The following SEMA6D variants were observed in gnomAD, a reference collection of about 807,000 sequenced individuals.
SEMA6D encodes semaphorin 6D, also known as semaphorin-6D.
In SEMA6D, 35 loss-of-function variants were observed where a neutral mutation model predicts 106.6. The observed-to-expected ratio is 0.33, with a 90% CI of 0.25 to 0.44. The LOEUF (loss-of-function observed/expected upper bound fraction) is 0.44. Ranked by LOEUF, SEMA6D falls within the 20% of genes least tolerant of loss-of-function variation. SEMA6D has a pLI of 1.00. For missense variants in SEMA6D, 1,185 were observed against 1,345.9 expected (o/e 0.88, Z 1.87); for synonymous variants, 499 against 487.7 (o/e 1.02, Z -0.31).
chr15:47,654,175 G>C (rs2077747557), intron 4 of SEMA6D, among the ~76,000 whole-genome samples: 1 of 152,158 alleles, frequency 6.6e-6, no homozygotes, highest in South Asian at 2.1e-4. Flanking sequence ...GTTTAATTCA[G>C]TGGTGCTAGA....
intron 1 of SEMA6D, among the ~76,000 whole-genome samples, chr15:47,293,993 C>G (rs2061057): frequency 0.99 from 150,687 of 152,282 alleles, 74,564 homozygotes; most frequent in Middle Eastern, 1. Flanking sequence ...CAGTGCTTGC[C>G]GGCCAAATGC....
At chr15:47,587,656 C>A (rs570426761) in intron 3 of SEMA6D, among the ~76,000 whole-genome samples, 6 of 152,294 alleles carry the variant, frequency 3.9e-5, no homozygotes, top group African/African-American at 1.4e-4. Context: ...CACAGCTAAT[C>A]TACCCTGTGT....
chr15:47,472,542 G>A (rs1441655986), intron 3 of SEMA6D, among the ~76,000 whole-genome samples: 2 of 152,126 alleles, frequency 1.3e-5, no homozygotes, highest in Non-Finnish European at 2.9e-5. Flanking sequence ...GGGCTTTGTG[G>A]CCAAAGAGAA....
chr15:47,364,788 T>C (rs1476519536), intron 1 of SEMA6D, among the ~76,000 whole-genome samples: 2 of 151,290 alleles, frequency 1.3e-5, no homozygotes, highest in Non-Finnish European at 2.9e-5. Context: ...CAACCCAGAT[T>C]CAGGACACAA....
At chr15:47,293,412 T>A (rs2035673828) in intron 1 of SEMA6D, among the ~76,000 whole-genome samples, 1 of 152,212 alleles carries the variant, frequency 6.6e-6, no homozygotes, top group Non-Finnish European at 1.5e-5. Context: ...TTGTTGCATT[T>A]TTGGTGAGAT....
intron 1 of SEMA6D, among the ~76,000 whole-genome samples, chr15:47,723,953 A>G (rs1454222846): frequency 1.3e-5 from 2 of 152,360 alleles, no homozygotes; most frequent in East Asian, 1.9e-4. Context: ...GAACTGGCAC[A>G]TAAGAACCAG....
intron 2 of SEMA6D, among the ~76,000 whole-genome samples, chr15:47,455,346 T>C (rs540413187): frequency 6.6e-6 from 1 of 152,068 alleles, no homozygotes; most frequent in South Asian, 2.1e-4. Flanking sequence ...TGTAGCAATA[T>C]CCAGATTCAT....
chr15:47,540,420 T>G (rs1268850365), intron 3 of SEMA6D, among the ~76,000 whole-genome samples: 1 of 152,146 alleles, frequency 6.6e-6, no homozygotes, highest in African/African-American at 2.4e-5. Flanking sequence ...TAAAGTTACT[T>G]CGTTAACTTG....
chr15:47,604,243 A>G (rs1529884), intron 4 of SEMA6D: 100,176 of 152,146 alleles, frequency 0.66, 33,128 homozygotes, highest in South Asian at 0.7. Context: ...AAAGAAGAGA[A>G]ACATTTCTTT....
rs78770464 is a variant in SEMA6D, at chr15:47,468,409, A to G, written c.-158-2065A>G. On this transcript the variant is annotated intron_variant, in intron 2 of 19. Coordinates refer to the SEMA6D transcript ENST00000558014. Reference sequence around the variant, plus strand: ...TAGCTCTGCAGGGAAACAGGCAATGAGGAGCAAGAATTGTCCTACTCATGG... The same window carrying G: ...TAGCTCTGCAGGGAAACAGGCAATGGGGAGCAAGAATTGTCCTACTCATGG... Among the ~76,000 whole-genome samples, 964 of 152,274 alleles carry G rather than the reference A, an allele frequency of 6.3e-3. 9 individuals carry two copies. The highest frequency in any genetic ancestry group is 0.022 in the African/African-American group (926 of 41,564).
intron 1 of SEMA6D, among the ~76,000 whole-genome samples, chr15:47,328,937 C>T (rs779729875): frequency 6.6e-5 from 10 of 152,216 alleles, no homozygotes; most frequent in Non-Finnish European, 1.5e-5. Flanking sequence ...TCAATCAAGA[C>T]ATAGTTCATT....
intron 1 of SEMA6D, among the ~76,000 whole-genome samples, chr15:47,344,995 G>A (rs1242372142): frequency 6.6e-6 from 1 of 152,112 alleles, no homozygotes; most frequent in African/African-American, 2.4e-5. Context: ...GCTGAAACAA[G>A]TATGCATAAT....
rs185908470 is a variant in SEMA6D at position 47,550,061 on chromosome 15, T to C, written c.-86-50804T>C. Among the ~76,000 whole-genome samples the C allele has an allele frequency of 4.3e-4, 66 of 152,316 alleles. 1 individual carries two copies. The highest frequency in any genetic ancestry group is 2.3e-3 in the Admixed American group (35 of 15,290). On this transcript the variant is annotated intron_variant, in intron 3 of 19. Coordinates refer to the SEMA6D transcript ENST00000558014. ...CCCAAGTATTGGCCTTTTGAGACACTGGAGAACATGTTGCTATGGTATGGT... is the reference window on the plus strand; with the variant it reads ...CCCAAGTATTGGCCTTTTGAGACACCGGAGAACATGTTGCTATGGTATGGT...
intron 1 of SEMA6D, among the ~76,000 whole-genome samples, chr15:47,248,335 A>G (rs1011789232): frequency 1.2e-4 from 19 of 152,342 alleles, no homozygotes; most frequent in East Asian, 5.8e-4. Flanking sequence ...ACAAATGAGA[A>G]AAACATTAAC....
At chr15:47,233,296 GT>G (rs1266800378) in intron 1 of SEMA6D, among the ~76,000 whole-genome samples, 1 of 151,920 alleles carries the variant, frequency 6.6e-6, no homozygotes, top group Non-Finnish European at 1.5e-5. Context: ...TGATCTCTAT[GT>G]CTGCTTTTAT....
intron 4 of SEMA6D, among the ~76,000 whole-genome samples, chr15:47,621,295 C>T (rs1242344180): frequency 6.6e-6 from 1 of 152,136 alleles, no homozygotes; most frequent in East Asian, 1.9e-4. Flanking sequence ...AAAAGGATCG[C>T]CAAATGTCAT....
chr15:47,387,549 C>T (rs76510323), intron 1 of SEMA6D, among the ~76,000 whole-genome samples: 4 of 152,294 alleles, frequency 2.6e-5, no homozygotes, highest in Non-Finnish European at 5.9e-5. Context: ...TGCCTAGTTC[C>T]ACACCTAGTC....
chr15:47,503,407 G>A (rs377382509), intron 3 of SEMA6D, among the ~76,000 whole-genome samples: 1 of 152,142 alleles, frequency 6.6e-6, no homozygotes, highest in Non-Finnish European at 1.5e-5. Flanking sequence ...GGTTATCTGT[G>A]TGGTGAAGTC....
upstream of SEMA6D, among the ~76,000 whole-genome samples, chr15:47,714,607 G>A (rs899138531): frequency 2.6e-5 from 4 of 152,216 alleles, no homozygotes; most frequent in African/African-American, 9.6e-5. Context: ...TAATGTTTAA[G>A]CATAATCACT....
Sources: gnomAD v4.1 joint callset for allele counts (sites outside exome capture counted in the v4.1 genomes callset) on GRCh38, gnomAD v4.1.1 for gene constraint, MANE v1.5 for transcripts, NCBI Gene and HGNC (gene_info 2026-07-23, HGNC 2026-07-21) for gene names.